Variants in ASIC2 observed in about 807,000 individuals in gnomAD.
ASIC2 encodes acid-sensing ion channel 2.
In ASIC2, 25 loss-of-function variants were observed where a neutral mutation model predicts 57.3. That is an observed-to-expected ratio of 0.44 (90% CI 0.32 to 0.61). ASIC2 has a LOEUF of 0.61. Among genes scored for constraint, ASIC2 ranks in the 20% least tolerant of loss-of-function variants. The probability of loss-of-function intolerance (pLI) is 0.06; values close to 1 mark genes in which losing one functional copy is unlikely to be tolerated. For missense variants in ASIC2, 641 were observed against 738.1 expected (o/e 0.87, Z 1.52); for synonymous variants, 319 against 307.5 (o/e 1.04, Z -0.39).
At chr17:33,730,470 T>C (rs1597852764) in intron 1 of ASIC2, among the ~76,000 whole-genome samples, 1 of 152,246 alleles carries the variant, frequency 6.6e-6, no homozygotes, top group African/African-American at 2.4e-5. Context: ...ACCTGGCTCA[T>C]ACAACTCATT....
intron 1 of ASIC2, among the ~76,000 whole-genome samples, chr17:33,846,011 C>T (rs1354334553): frequency 6.6e-6 from 1 of 152,156 alleles, no homozygotes; most frequent in Non-Finnish European, 1.5e-5. Context: ...ATGCAAAGAC[C>T]TACCACATAG....
intron 1 of ASIC2, among the ~76,000 whole-genome samples, chr17:34,033,587 A>G (rs1597984369): frequency 1.3e-5 from 2 of 151,610 alleles, no homozygotes; most frequent in African/African-American, 2.4e-5. Context: ...TTGCTTTTTG[A>G]AAAGATCAAC....
intron 1 of ASIC2, among the ~76,000 whole-genome samples, chr17:33,759,407 T>A (rs150322977): frequency 1.3e-5 from 2 of 151,988 alleles, no homozygotes; most frequent in African/African-American, 4.8e-5. Context: ...AGTGAAAAAA[T>A]TGGAAAAACG....
chr17:33,825,099 C>A (rs1213927975), intron 1 of ASIC2, among the ~76,000 whole-genome samples: 1 of 152,140 alleles, frequency 6.6e-6, no homozygotes, highest in African/African-American at 2.4e-5. Flanking sequence ...CTTGCTATTG[C>A]CATTATGTGA....
At chr17:34,064,716 A>C (rs1909102800) in intron 1 of ASIC2, among the ~76,000 whole-genome samples, 6 of 152,236 alleles carry the variant, frequency 3.9e-5, no homozygotes, top group Admixed American at 3.3e-4. Flanking sequence ...AAAGTGGGCT[A>C]AGGGCATGAA....
chr17:33,346,170 T>C (rs1907934696), intron 1 of ASIC2, among the ~76,000 whole-genome samples: 1 of 124,620 alleles, frequency 8.0e-6, no homozygotes, highest in African/African-American at 3.1e-5. Context: ...GAGGTTGCAA[T>C]GAACCGAGAT....
chr17:33,271,562 C>A (rs1349300628), intron 1 of ASIC2, among the ~76,000 whole-genome samples: 2 of 152,212 alleles, frequency 1.3e-5, no homozygotes, highest in East Asian at 3.8e-4. Flanking sequence ...GGCCCACAAC[C>A]TGGGAGTTAT....
rs191755667 is a variant in ASIC2, at chr17:33,102,770, G to A, written c.859+9147C>T. 4.2e-3 allele frequency among the ~76,000 whole-genome samples: 635 copies of A among 151,910 alleles called. 6 individuals carry two copies. The highest frequency in any genetic ancestry group is 0.015 in the African/African-American group (603 of 41,448). ...TTGCAATCACATTTTAAATTTATTT[G>A]TTTGTTTGTTTGTTTATTTATTTAT... On this transcript the variant is annotated intron_variant, in intron 2 of 9. Transcript: ENST00000225823.
chr17:33,201,968 A>G (rs1387007696), intron 1 of ASIC2, among the ~76,000 whole-genome samples: 1 of 137,770 alleles, frequency 7.3e-6, no homozygotes, highest in African/African-American at 2.7e-5. Flanking sequence ...GGAGGTGGGG[A>G]TTGCAGTGGA....
intron 1 of ASIC2, among the ~76,000 whole-genome samples, chr17:33,522,332 C>A (rs890781063): frequency 6.6e-6 from 1 of 152,228 alleles, no homozygotes; most frequent in African/African-American, 2.4e-5. Flanking sequence ...GCAGAGCATT[C>A]GGACTCCTCT....
At chr17:33,947,354 T>G (rs1904411019) in intron 1 of ASIC2, among the ~76,000 whole-genome samples, 1 of 152,162 alleles carries the variant, frequency 6.6e-6, no homozygotes, top group African/African-American at 2.4e-5. Context: ...ATTACTGCTC[T>G]TAGTGGGACC....
In ASIC2 at chr17:34,154,221, G is replaced by A. The variant is rs555974482; in HGVS notation, c.555+1757C>T. Among the ~76,000 whole-genome samples, 141 of 152,282 alleles carry A rather than the reference G, an allele frequency of 9.3e-4. 1 individual carries two copies. Among genetic ancestry groups the A allele is most frequent in the Admixed American group, 1.1e-3 (17 of 15,308 alleles). On this transcript the variant is annotated intron_variant, in intron 1 of 9. Transcript: ENST00000359872. ...GTGGTGAAGCCGAGCGTTGCCAGGC[G>A]CTAGAAAGAACGGGGTGGAATATAG...
intron 1 of ASIC2, among the ~76,000 whole-genome samples, chr17:33,232,446 A>AATGGTATGGT (rs796183336): frequency 3.4e-4 from 44 of 128,028 alleles, no homozygotes; most frequent in South Asian, 7.5e-4. Flanking sequence ...TATGGTATGG[A>AATGGTATGGT]ATGGTATGGT....
chr17:33,729,291 C>A (rs1909662876), intron 1 of ASIC2, among the ~76,000 whole-genome samples: 2 of 152,080 alleles, frequency 1.3e-5, no homozygotes, highest in African/African-American at 4.8e-5. Flanking sequence ...TTTTAAACAA[C>A]CAGATCTTGT....
intron 1 of ASIC2, among the ~76,000 whole-genome samples, chr17:33,671,524 G>T (rs1023693923): frequency 6.6e-6 from 1 of 152,180 alleles, no homozygotes; most frequent in Non-Finnish European, 1.5e-5. Flanking sequence ...GATGGGATAT[G>T]GGAAAGACAA....
intron 1 of ASIC2, among the ~76,000 whole-genome samples, chr17:33,749,440 C>A (rs117018951): frequency 6.6e-6 from 1 of 152,046 alleles, no homozygotes; most frequent in South Asian, 2.1e-4. Context: ...GCGCTTTCAC[C>A]AGTCCAGCCC....
intron 3 of ASIC2, among the ~76,000 whole-genome samples, chr17:33,033,795 C>A (rs1318821659): frequency 1.3e-5 from 2 of 152,144 alleles, no homozygotes; most frequent in African/African-American, 4.8e-5. Flanking sequence ...CTCAGGGTGC[C>A]CCTTCCAGGC....
intron 1 of ASIC2, among the ~76,000 whole-genome samples, chr17:33,363,232 C>T (rs1057326785): frequency 6.6e-6 from 1 of 152,114 alleles, no homozygotes; most frequent in Non-Finnish European, 1.5e-5. Flanking sequence ...ATTGACTCAC[C>T]CACAGAACCA....
intron 1 of ASIC2, among the ~76,000 whole-genome samples, chr17:33,486,519 G>T (rs904275488): frequency 6.6e-6 from 1 of 152,178 alleles, no homozygotes; most frequent in Admixed American, 6.5e-5. Context: ...TCACTTTTAC[G>T]GCCCTGGCTC....
Sources: allele counts gnomAD v4.1 joint callset (sites outside exome capture counted in the v4.1 genomes callset), GRCh38; gene constraint gnomAD v4.1.1; transcripts MANE v1.5; gene names NCBI Gene and HGNC (gene_info 2026-07-23, HGNC 2026-07-21).